The following NR3C2 variants were observed in gnomAD, a reference collection of about 807,000 sequenced individuals.
NR3C2 encodes nuclear receptor subfamily 3 group C member 2.
NR3C2 carries 15 observed loss-of-function variants against 86.4 expected under a neutral mutation model. The ratio of observed to expected loss-of-function variants is 0.17; its 90% CI spans 0.12 to 0.27. The LOEUF is 0.27. Ranked by LOEUF, NR3C2 falls within the 10% of genes least tolerant of loss-of-function variation. NR3C2 has a pLI of 1.00. For missense variants in NR3C2, 960 were observed against 1,195.6 expected, an observed-to-expected ratio of 0.80 and a Z score of 2.91; for synonymous variants, 458 against 450.5, an observed-to-expected ratio of 1.02 and a Z score of -0.21.
chr4:148,363,770 T>C (rs1324271254), intron 2 of NR3C2, among the ~76,000 whole-genome samples: 7 of 152,192 alleles, frequency 4.6e-5, no homozygotes, highest in Non-Finnish European at 5.9e-5. Flanking sequence ...CCCAAAGTGC[T>C]GGGATTACAG....
rs757761910 is a variant in NR3C2 at position 148,436,077 on chromosome 4, A to G, written c.784T>C (p.Ser262Pro). 6.2e-7 allele frequency: 1 copy of G among 1,614,066 alleles called. No homozygotes were observed. Among genetic ancestry groups the G allele is most frequent in the South Asian group, 1.1e-5 (1 of 91,072 alleles). ...GATTTCATGCTACTTAACGGACTTG[A>G]GAGAGGAGAGCCCACATTGCTAGCA... Reference protein sequence around the residue: ...AHASNVGSPLSSPLSSMKSSI... With the variant: ...AHASNVGSPLPSPLSSMKSSI... The change falls in exon 2 of 9, where the codon TCA (serine) becomes CCA (proline). Residue 262 changes from serine to proline, a missense_variant. Physicochemically the swap from Ser to Pro is moderately conservative, Grantham distance 74. Around this residue, in one of 4 missense-constraint regions of NR3C2, gnomAD observed 680 missense variants for 719.0 expected, o/e 0.95. Transcript: ENST00000358102.
At chr4:148,104,500 A>G (rs1376034622) in intron 8 of NR3C2, among the ~76,000 whole-genome samples, 2 of 152,190 alleles carry the variant, frequency 1.3e-5, no homozygotes, top group African/African-American at 2.4e-5. Context: ...AGAAAGCAGC[A>G]TAACACCGCT....
chr4:148,390,458 G>A (rs1401413244), intron 2 of NR3C2, among the ~76,000 whole-genome samples: 10 of 152,150 alleles, frequency 6.6e-5, no homozygotes, highest in Admixed American at 6.5e-4. Flanking sequence ...GTTCTGGGTG[G>A]TGGCAGGCAG....
At chr4:148,090,383 A>T (rs1395378535) in intron 8 of NR3C2, among the ~76,000 whole-genome samples, 1 of 152,188 alleles carries the variant, frequency 6.6e-6, no homozygotes, top group African/African-American at 2.4e-5. Flanking sequence ...GAGTTCCTGA[A>T]GAGTGGAGAG....
At chr4:148,422,668 T>C (rs1337837312) in intron 2 of NR3C2, among the ~76,000 whole-genome samples, 1 of 152,182 alleles carries the variant, frequency 6.6e-6, no homozygotes, top group Non-Finnish European at 1.5e-5. Flanking sequence ...CTTGTATGCA[T>C]ATCAAAATCC....
intron 2 of NR3C2, among the ~76,000 whole-genome samples, chr4:148,335,871 A>T (rs1350762283): frequency 6.6e-6 from 1 of 152,240 alleles, no homozygotes; most frequent in Non-Finnish European, 1.5e-5. Context: ...TACAACACAG[A>T]AAACAATGAA....
intron 4 of NR3C2, among the ~76,000 whole-genome samples, chr4:148,169,322 T>C (rs983805071): frequency 2.6e-5 from 4 of 152,102 alleles, no homozygotes; most frequent in Middle Eastern, 3.2e-3. Flanking sequence ...CTTAAAAAGC[T>C]AAACAAAATT....
intron 7 of NR3C2, among the ~76,000 whole-genome samples, chr4:148,114,902 A>T (rs547830461): frequency 2.0e-5 from 3 of 152,138 alleles, no homozygotes; most frequent in Non-Finnish European, 1.5e-5. Context: ...CTTTCTATCC[A>T]CTTTGCACCA....
chr4:148,326,379 C>T (rs1043981602), intron 2 of NR3C2, among the ~76,000 whole-genome samples: 9 of 151,670 alleles, frequency 5.9e-5, no homozygotes, highest in African/African-American at 1.7e-4. Flanking sequence ...CCAGCCTGGA[C>T]GACAGAGCGA....
intron 4 of NR3C2, among the ~76,000 whole-genome samples, chr4:148,192,847 A>T (rs1241615472): frequency 6.6e-6 from 1 of 151,962 alleles, no homozygotes; most frequent in Admixed American, 6.5e-5. Flanking sequence ...CAACAGCCCA[A>T]GTCTGTTTCC....
chr4:148,116,634 C>T (rs542038212), intron 7 of NR3C2, among the ~76,000 whole-genome samples: 86 of 152,194 alleles, frequency 5.7e-4, no homozygotes, highest in African/African-American at 2.0e-3. Flanking sequence ...GCAAAACAAG[C>T]TTACTAACGC....
At chr4:148,292,789 G>C (rs755210843) in intron 2 of NR3C2, among the ~76,000 whole-genome samples, 1 of 152,074 alleles carries the variant, frequency 6.6e-6, no homozygotes, top group Non-Finnish European at 1.5e-5. Flanking sequence ...GCTATTACCA[G>C]AACTAGGCAA....
intron 2 of NR3C2, among the ~76,000 whole-genome samples, chr4:148,367,599 T>TTA (rs1746213046): frequency 6.6e-6 from 1 of 152,138 alleles, no homozygotes. Context: ...GACCATCAGA[T>TTA]TGAGTTCTTC....
intron 2 of NR3C2, among the ~76,000 whole-genome samples, chr4:148,276,743 C>A (rs1346494096): frequency 1.3e-5 from 2 of 152,152 alleles, no homozygotes; most frequent in Non-Finnish European, 2.9e-5. Flanking sequence ...GTACTACAGT[C>A]TCCTATTGTT....
intron 3 of NR3C2, among the ~76,000 whole-genome samples, chr4:148,210,456 G>A (rs543367254): frequency 2.1e-4 from 32 of 152,328 alleles, no homozygotes; most frequent in African/African-American, 7.7e-4. Context: ...CTCCCAAAGT[G>A]CTGGGATTAC....
intron 2 of NR3C2, among the ~76,000 whole-genome samples, chr4:148,292,287 G>C (rs1741834050): frequency 2.0e-5 from 3 of 151,706 alleles, no homozygotes; most frequent in African/African-American, 7.3e-5. Flanking sequence ...CTGTCATCCT[G>C]ATATTTTCTG....
intron 3 of NR3C2, among the ~76,000 whole-genome samples, chr4:148,218,525 T>C (rs1048097665): frequency 1.3e-5 from 2 of 152,202 alleles, no homozygotes; most frequent in African/African-American, 4.8e-5. Flanking sequence ...ATTTTTCAAG[T>C]ACACATTTTT....
chr4:148,169,623 T>G (rs1735035210), intron 4 of NR3C2, among the ~76,000 whole-genome samples: 1 of 152,134 alleles, frequency 6.6e-6, no homozygotes, highest in South Asian at 2.1e-4. Flanking sequence ...TATGGCTATT[T>G]TAAGGGCTTA....
chr4:148,327,065 A>C (rs1326166017), intron 2 of NR3C2, among the ~76,000 whole-genome samples: 2 of 152,208 alleles, frequency 1.3e-5, no homozygotes, highest in Non-Finnish European at 2.9e-5. Flanking sequence ...CTAGAGTTTC[A>C]GATCTACGTA....
Sources: gnomAD v4.1 joint callset for allele counts (sites outside exome capture counted in the v4.1 genomes callset) on GRCh38, gnomAD v4.1.1 for gene constraint, gnomAD v4.1.1 regional missense constraint, MANE v1.5 for transcripts, NCBI Gene and HGNC (gene_info 2026-07-23, HGNC 2026-07-21) for gene names.